The following SDK1 variants were observed in gnomAD, a reference collection of about 807,000 sequenced individuals.
SDK1 encodes sidekick cell adhesion molecule 1.
Under a neutral mutation model 245.5 loss-of-function variants are expected in SDK1, and 157 were observed. That is an observed-to-expected ratio of 0.64 (90% CI 0.56 to 0.73). SDK1 has a LOEUF of 0.73. Ranked by LOEUF, SDK1 falls within the 30% of genes least tolerant of loss-of-function variation. The pLI is 0.00. For missense variants in SDK1, 3,583 were observed against 3,002.3 expected (o/e 1.19, Z -4.52); for synonymous variants, 1,647 against 1,278.5 (o/e 1.29, Z -6.15).
intron 1 of SDK1, among the ~76,000 whole-genome samples, chr7:3,516,976 T>C (rs1324876842): frequency 6.6e-6 from 1 of 152,150 alleles, no homozygotes; most frequent in Non-Finnish European, 1.5e-5. Flanking sequence ...ATCTTTTTGG[T>C]GAGGTGATGA....
At chr7:3,672,795 A>ATATATATATATATATAT (rs55676850) in intron 4 of SDK1, among the ~76,000 whole-genome samples, 10 of 67,154 alleles carry the variant, frequency 1.5e-4, no homozygotes, top group East Asian at 5.0e-4. Context: ...ATATATATAT[A>ATATATATATATATATAT]AAAAATACAG....
intron 1 of SDK1, among the ~76,000 whole-genome samples, chr7:3,481,401 C>T (rs1253886909): frequency 1.3e-5 from 2 of 152,212 alleles, no homozygotes; most frequent in African/African-American, 4.8e-5. Flanking sequence ...GCAGAATTGT[C>T]AGTCAAGGAT....
intron 4 of SDK1, among the ~76,000 whole-genome samples, chr7:3,682,661 T>A (rs192040274): frequency 6.6e-6 from 1 of 152,218 alleles, no homozygotes; most frequent in African/African-American, 2.4e-5. Context: ...CTGCCTGTTA[T>A]ACTCCAACCT....
chr7:4,237,921 A>G (rs899234109), intron 42 of SDK1, 137 bp downstream of exon 42: 3 of 1,076,734 alleles, frequency 2.8e-6, no homozygotes, highest in Non-Finnish European at 4.0e-6. Flanking sequence ...GAAATGCAAT[A>G]GGTTTTCTTT....
chr7:4,197,357 G>A (rs1783646215), intron 35 of SDK1, among the ~76,000 whole-genome samples: 1 of 152,178 alleles, frequency 6.6e-6, no homozygotes, highest in African/African-American at 2.4e-5. Flanking sequence ...GTATAGTGAT[G>A]TATGCCTTTA....
At chr7:3,860,339 A>G (rs1483592336) in intron 5 of SDK1, among the ~76,000 whole-genome samples, 1 of 152,220 alleles carries the variant, frequency 6.6e-6, no homozygotes, top group Non-Finnish European at 1.5e-5. Context: ...AAGACAATGA[A>G]AAAAAGATGG....
At chr7:3,977,512 G>C (rs1052637019) in intron 13 of SDK1, among the ~76,000 whole-genome samples, 1 of 152,230 alleles carries the variant, frequency 6.6e-6, no homozygotes, top group South Asian at 2.1e-4. Context: ...TACGACCCTG[G>C]GTTCTTTCTG....
At chr7:3,935,013 G>C (rs1169014267) in intron 5 of SDK1, among the ~76,000 whole-genome samples, 1 of 152,208 alleles carries the variant, frequency 6.6e-6, no homozygotes, top group Admixed American at 6.5e-5. Flanking sequence ...CTCCCCTCTT[G>C]TATTGGCAAG....
intron 14 of SDK1, among the ~76,000 whole-genome samples, chr7:3,989,586 C>T (rs1016737888): frequency 2.0e-5 from 3 of 152,122 alleles, no homozygotes; most frequent in Admixed American, 6.5e-5. Flanking sequence ...GTGTTCTAAA[C>T]GGGTCCCTGT....
intron 1 of SDK1, among the ~76,000 whole-genome samples, chr7:3,408,398 C>CT (rs1450116351): frequency 6.6e-6 from 1 of 152,062 alleles, no homozygotes; most frequent in African/African-American, 2.4e-5. Flanking sequence ...TAAAATGTTA[C>CT]TTTTTCTTGA....
At chr7:3,857,547 T>C (rs1780577338) in intron 5 of SDK1, among the ~76,000 whole-genome samples, 1 of 151,840 alleles carries the variant, frequency 6.6e-6, no homozygotes, top group Non-Finnish European at 1.5e-5. Flanking sequence ...ATTAACCACG[T>C]GTGGTGGTGC....
At chr7:3,858,853 ATTTTTCT>A (rs1471737044) in intron 5 of SDK1, among the ~76,000 whole-genome samples, 17 of 136,422 alleles carry the variant, frequency 1.2e-4, no homozygotes, top group Non-Finnish European at 1.7e-4. Flanking sequence ...AAAACCTTGT[ATTTTTCT>A]TTTTTCTTTT....
intron 1 of SDK1, among the ~76,000 whole-genome samples, chr7:3,459,319 A>G (rs1780765859): frequency 6.6e-6 from 1 of 152,056 alleles, no homozygotes; most frequent in Non-Finnish European, 1.5e-5. Flanking sequence ...ATGGCTCATC[A>G]CTTTTAAATG....
chr7:3,475,990 T>A (rs1170050326), intron 1 of SDK1: 1 of 152,684 alleles, frequency 6.5e-6, no homozygotes, highest in African/African-American at 2.4e-5. Flanking sequence ...ACTTCCTGCT[T>A]ATTATCTTTT....
chr7:3,952,557 T>G (rs1484739105), intron 7 of SDK1, among the ~76,000 whole-genome samples: 2 of 151,996 alleles, frequency 1.3e-5, no homozygotes, highest in East Asian at 3.8e-4. Context: ...CAACCCAATC[T>G]GGGCCACAGG....
At chr7:4,015,804 G>A (rs533021217) in intron 16 of SDK1, among the ~76,000 whole-genome samples, 22 of 152,270 alleles carry the variant, frequency 1.4e-4, no homozygotes, top group Middle Eastern at 6.8e-3. Flanking sequence ...AAGGAGGCCC[G>A]GTACCTTCTT....
chr7:3,992,841 C>G (rs1037701744), intron 14 of SDK1, among the ~76,000 whole-genome samples: 1 of 152,168 alleles, frequency 6.6e-6, no homozygotes. Context: ...TAGTAGTGCA[C>G]TTTGAGTAAT....
At chr7:3,665,686 TGTC>T (rs1448970582) in intron 4 of SDK1, among the ~76,000 whole-genome samples, 1 of 152,178 alleles carries the variant, frequency 6.6e-6, no homozygotes, top group African/African-American at 2.4e-5. Flanking sequence ...CTGCAGGACA[TGTC>T]GTGCCATTCA....
rs528832321 is a variant in SDK1 at position 3,708,808 on chromosome 7, C to T, written c.713+66703C>T. ...CTATTACCTTACATGTCAAGTGAGTCTCTTGAAGACATCAGATATTTGGTT... is the reference window on the plus strand; with the variant it reads ...CTATTACCTTACATGTCAAGTGAGTTTCTTGAAGACATCAGATATTTGGTT... On this transcript the variant is annotated intron_variant, in intron 4 of 44. Transcript: ENST00000404826. 9.6e-4 allele frequency among the ~76,000 whole-genome samples: 147 copies of T among 152,374 alleles called. 1 individual carries two copies. The highest frequency in any genetic ancestry group is 1.7e-3 in the Non-Finnish European group (119 of 68,040).
Sources: gnomAD v4.1 joint callset for allele counts (sites outside exome capture counted in the v4.1 genomes callset) on GRCh38, gnomAD v4.1.1 for gene constraint, MANE v1.5 for transcripts, NCBI Gene and HGNC (gene_info 2026-07-23, HGNC 2026-07-21) for gene names.